MGAM: variants seen among roughly 807,000 people sequenced by gnomAD.
MGAM encodes the protein maltase-glucoamylase, also known as alpha-1,4-glucosidase.
In MGAM, 253 loss-of-function variants were observed where a neutral mutation model predicts 358.8. The ratio of observed to expected loss-of-function variants is 0.71; its 90% confidence interval spans 0.64 to 0.78. The LOEUF (loss-of-function observed/expected upper bound fraction) is 0.78. Ranked by LOEUF, MGAM falls within the 30% of genes least tolerant of loss-of-function variation. The pLI is 0.00. For missense variants in MGAM, 3,080 were observed against 3,432.6 expected (o/e 0.90, Z 2.57); for synonymous variants, 1,105 against 1,227.1 (o/e 0.90, Z 2.08).
intron 63 of MGAM, among the ~76,000 whole-genome samples, chr7:142,095,305 A>T (rs553536896): frequency 1.3e-5 from 2 of 152,150 alleles, no homozygotes; most frequent in Admixed American, 1.3e-4. Context: ...TTAGGTTATT[A>T]TTATGTTTTG....
At position 142,027,644 on chromosome 7, in the gene MGAM, C is replaced by T. The variant is rs189324698; in HGVS notation, c.1130C>T (p.Ala377Val). The T allele has an allele frequency of 2.4e-4, 387 of 1,613,788 alleles. 2 individuals carry two copies. The African/African-American group carries it at 4.6e-3, about 19-fold the overall frequency. The stretch of plus-strand genomic sequence containing the variant: ...CGGCCAGCCCTTCCCTCCTACTGGG[C>T]GCTTGGATTTCACCTCAGTCGTTAC... ...IGRPALPSYW[A>V]LGFHLSRYEY... Residue 377 changes from alanine (A) to valine (V), a missense_variant, in exon 10 of 71, where the codon GCG becomes GTG. This residue lies in a region of MGAM where 1,816 missense variants were observed against 1,840.5 expected (regional missense o/e 0.99). Coordinates refer to ENST00000475668, the MANE Select transcript of MGAM (RefSeq NM_001365693.1).
intron 7 of MGAM, among the ~76,000 whole-genome samples, chr7:142,024,060 A>G (rs1432627099): frequency 1.3e-5 from 2 of 152,054 alleles, no homozygotes; most frequent in South Asian, 2.1e-4. Flanking sequence ...CCCTGTCTCT[A>G]CTAAAAATAC....
rs142467256 is a variant in MGAM at position 142,080,301 on chromosome 7, T to C, written c.5848-490T>C. Among the ~76,000 whole-genome samples, 505 of 146,466 alleles carry C rather than the reference T, an allele frequency of 3.4e-3. 42 individuals are homozygous for C. The highest frequency in any genetic ancestry group is 5.9e-3 in the African/African-American group (244 of 41,260). On this transcript the variant is annotated intron_variant, in intron 49 of 70. Transcript: ENST00000475668. ...TTCATAAAACCATAACACTGCCTTA[T>C]TGAGCTCACATCCCTAGTGTCTTGT...
At chr7:142,059,804 C>G (rs1811928814) in intron 32 of MGAM, 52 bp from the exon 33 acceptor site, 9 of 1,579,214 alleles carry the variant, frequency 5.7e-6, no homozygotes, top group Non-Finnish European at 7.8e-6. Context: ...CATTCTGTTT[C>G]TCCTCATTCT....
In MGAM at chr7:142,084,410, T is replaced by C. The variant is rs573277258; in HGVS notation, c.6382-109T>C. The stretch of plus-strand genomic sequence containing the variant: ...CTGTCAGTTTTGATGTGGAATTCAA[T>C]TAGTTAGTTGTCTAGCTTGGGGCAC... On this transcript the variant is annotated intron_variant, in intron 53 of 70. Transcript: ENST00000475668. 114 of 1,250,382 alleles carry C rather than the reference T, an allele frequency of 9.1e-5. 8 individuals carry two copies. The highest frequency in any genetic ancestry group is 1.2e-4 in the Non-Finnish European group (110 of 889,246). The allele number at this position is 1,250,382 out of a possible 1,614,324, so 77.5% of individuals were successfully genotyped here. A position where few individuals can be genotyped will look rare whatever the true frequency, so the allele number is the denominator to read the frequency against.
chr7:142,052,940 C>T lies in MGAM; in HGVS notation c.3115C>T (p.Arg1039Cys), dbSNP rs750930085. Residue 1039 changes from arginine (R) to cysteine (C), a missense_variant, in exon 26 of 71, where the codon CGC becomes TGC. Arg to Cys is a radical substitution (Grantham distance 180). This residue lies in a region of MGAM where 1,816 missense variants were observed against 1,840.5 expected (regional missense o/e 0.99). Transcript: ENST00000475668. Reference sequence around the variant, plus strand: ...CCCCTCCACACCCGTGAACCCCCTTCGCCTGGATGTCACTTACCATAAGAA... The same window carrying T: ...CCCCTCCACACCCGTGAACCCCCTTTGCCTGGATGTCACTTACCATAAGAA... ...AFPSTPVNPL[R>C]LDVTYHKNEM... 30 of 1,613,752 alleles carry T rather than the reference C, an allele frequency of 1.9e-5. No homozygotes were observed. The East Asian group carries it at 2.0e-4, about 11-fold the overall frequency.
Position 142,103,399 on chromosome 7 carries a change from T to G in MGAM, c.8144T>G (p.Met2715Arg), listed in dbSNP as rs763356519. Reference protein sequence around the residue: ...VTSVSISVSGMVITPSFNNDP... With the variant: ...VTSVSISVSGRVITPSFNNDP... Reference sequence around the variant, plus strand: ...AGTGTCAGCATCTCTGTGAGTGGCATGGTCATAACACCCTCCTTCAACAAT... The same window carrying G: ...AGTGTCAGCATCTCTGTGAGTGGCAGGGTCATAACACCCTCCTTCAACAAT... The change falls in exon 70 of 71, where the codon ATG becomes AGG. Residue 2715 changes from methionine (M) to arginine (R), a missense_variant. Physicochemically the swap from Met to Arg is moderately conservative, Grantham distance 91 (BLOSUM62 -1). Coordinates refer to ENST00000475668, the MANE Select transcript of MGAM (RefSeq NM_001365693.1). 2 of 1,611,858 alleles carry G rather than the reference T, an allele frequency of 1.2e-6. No homozygotes were observed. The highest frequency in any genetic ancestry group is 1.7e-6 in the Non-Finnish European group (2 of 1,179,192).
At position 142,100,803 on chromosome 7, in the gene MGAM, C is replaced by T. The variant is rs762579452; in HGVS notation, c.7876C>T (p.Arg2626Cys). Reference protein sequence around the residue: ...QEPALNTHLSRQKFMGFKIAL... With the variant: ...QEPALNTHLSCQKFMGFKIAL... Reference sequence around the variant, plus strand: ...TGCCTCTCTGCCTGCTCACTGCAGCCGCCAGAAATTCATGGGCTTCAAAAT... The same window carrying T: ...TGCCTCTCTGCCTGCTCACTGCAGCTGCCAGAAATTCATGGGCTTCAAAAT... Residue 2626 changes from arginine to cysteine, a missense_variant and splice_region_variant, in exon 68 of 71, where the codon CGC becomes TGC. Coordinates refer to ENST00000475668, the MANE Select transcript of MGAM (RefSeq NM_001365693.1). The T allele has an allele frequency of 2.0e-5, 32 of 1,610,032 alleles. No individual in the cohort carries two copies. The highest frequency in any genetic ancestry group is 5.6e-5 in the South Asian group (5 of 89,886).
At chr7:142,053,196 G>A (rs949190119) in intron 26 of MGAM, among the ~76,000 whole-genome samples, 1 of 152,128 alleles carries the variant, frequency 6.6e-6, no homozygotes, top group South Asian at 2.1e-4. Flanking sequence ...TAGGAAAATG[G>A]TTGGGAGAGC....
intron 10 of MGAM, 133 bp from the exon 11 acceptor site, chr7:142,030,229 C>A: frequency 1.0e-6 from 1 of 965,430 alleles, no homozygotes; most frequent in South Asian, 1.8e-5. Context: ...ACTCAGATGC[C>A]AGGAACTGAT....
Position 142,041,921 on chromosome 7 carries a change from A to AT in MGAM, c.2498+1075_2498+1076insT, listed in dbSNP as rs1161778959. Among the ~76,000 whole-genome samples the AT allele has an allele frequency of 3.3e-3, 63 of 19,188 alleles. 1 individual carries two copies. Among genetic ancestry groups the AT allele is most frequent in the African/African-American group, 0.02 (55 of 2,796 alleles). The allele number at this position is 19,188 out of a possible 152,430, so 12.6% of individuals were successfully genotyped here. A position where few individuals can be genotyped will look rare whatever the true frequency, so the allele number is the denominator to read the frequency against. On this transcript the variant is annotated intron_variant, in intron 21 of 70. Transcript: ENST00000475668. ...ATATATATATTATATATATACGTATAATATATAATATATATATTATATATA... is the reference window on the plus strand; with the variant it reads ...ATATATATATTATATATATACGTATATATATATAATATATATATTATATATA...
intron 20 of MGAM, 106 bp downstream of exon 20, chr7:142,040,277 G>C: frequency 5.7e-6 from 5 of 880,876 alleles, no homozygotes; most frequent in Middle Eastern, 2.2e-4. Flanking sequence ...CTGAGGAGTA[G>C]TTTTTAGTGT....
intron 15 of MGAM, 98 bp from the exon 16 acceptor site, chr7:142,034,572 G>T: frequency 8.7e-7 from 1 of 1,145,392 alleles, no homozygotes; most frequent in South Asian, 1.5e-5. Context: ...AAGAGAATGG[G>T]TTATTCACTT....
chr7:141,986,670 T>C (rs1803717628), intron 2 of MGAM, among the ~76,000 whole-genome samples: 2 of 152,196 alleles, frequency 1.3e-5, no homozygotes, highest in African/African-American at 4.8e-5. Flanking sequence ...ATTTAGTGTT[T>C]GATGTTGAAA....
intron 10 of MGAM, 53 bp from the exon 11 acceptor site, chr7:142,030,309 T>C: frequency 1.3e-6 from 2 of 1,580,952 alleles, no homozygotes; most frequent in Non-Finnish European, 1.7e-6. Context: ...TTTGATTTCA[T>C]TTTACTATGG....
chr7:142,015,899 T>C (rs1020248497), intron 3 of MGAM, among the ~76,000 whole-genome samples: 2 of 152,182 alleles, frequency 1.3e-5, no homozygotes, highest in African/African-American at 4.8e-5. Context: ...TTATATGGTA[T>C]ACTTTTTAAA....
At chr7:142,014,941 T>C (rs1554455529) in intron 3 of MGAM, among the ~76,000 whole-genome samples, 2 of 152,124 alleles carry the variant, frequency 1.3e-5, no homozygotes, top group East Asian at 1.9e-4. Context: ...TTTGTAAGTT[T>C]TTTTTTACTT....
chr7:142,000,320 CA>C, intron 1 of MGAM, among the ~76,000 whole-genome samples: 1 of 152,248 alleles, frequency 6.6e-6, no homozygotes, highest in East Asian at 1.9e-4. Context: ...TGGCTCTTAG[CA>C]GAAGACCTCA....
intron 14 of MGAM, 68 bp from the exon 15 acceptor site, chr7:142,034,194 T>TTC (rs1807761205): frequency 2.6e-6 from 3 of 1,154,786 alleles, no homozygotes; most frequent in Non-Finnish European, 3.8e-6. Context: ...TCATTTCGGA[T>TTC]TGTGATAGTC....
Sources: gnomAD v4.1 joint callset for allele counts (sites outside exome capture counted in the v4.1 genomes callset) on GRCh38, gnomAD v4.1.1 for gene constraint, gnomAD v4.1.1 regional missense constraint, MANE v1.5 for transcripts, NCBI Gene and HGNC (gene_info 2026-07-23, HGNC 2026-07-21) for gene names.